Variants in ADAMTS19 observed in about 807,000 individuals in gnomAD.
ADAMTS19 encodes A disintegrin and metalloproteinase with thrombospondin motifs 19.
ADAMTS19 carries 93 observed loss-of-function variants against 153.3 expected under a neutral mutation model. That is an observed-to-expected ratio of 0.61 (90% CI 0.51 to 0.72). ADAMTS19 has a LOEUF of 0.72. Among genes scored for constraint, ADAMTS19 ranks in the 30% least tolerant of loss-of-function variants. The probability of loss-of-function intolerance (pLI) is 0.00; values close to 1 mark genes in which losing one functional copy is unlikely to be tolerated. For missense variants in ADAMTS19, 1,482 were observed against 1,552.1 expected (o/e 0.95, Z 0.76); for synonymous variants, 600 against 556.6 (o/e 1.08, Z -1.10).
chr5:129,724,466 A>T, intron 21 of ADAMTS19, among the ~76,000 whole-genome samples: 1 of 152,188 alleles, frequency 6.6e-6, no homozygotes, highest in South Asian at 2.1e-4. Context: ...TTGTCTCCTC[A>T]GAAGAAAGAA....
At chr5:129,468,374 A>G (rs937699268) in intron 2 of ADAMTS19, among the ~76,000 whole-genome samples, 1 of 152,148 alleles carries the variant, frequency 6.6e-6, no homozygotes, top group Non-Finnish European at 1.5e-5. Flanking sequence ...ATTATTTTTG[A>G]GACGGAGTCT....
intron 19 of ADAMTS19, among the ~76,000 whole-genome samples, chr5:129,700,366 T>C (rs2127158555): frequency 6.6e-6 from 1 of 152,284 alleles, no homozygotes. Flanking sequence ...AGACATTGGC[T>C]AGCCTAAAGA....
intron 6 of ADAMTS19, among the ~76,000 whole-genome samples, chr5:129,535,266 A>G (rs957732553): frequency 2.6e-5 from 4 of 152,198 alleles, no homozygotes; most frequent in African/African-American, 9.6e-5. Flanking sequence ...CTTATACACC[A>G]ATAGCAGACA....
intron 9 of ADAMTS19, 123 bp downstream of exon 9, chr5:129,620,881 T>A: frequency 9.9e-7 from 1 of 1,009,546 alleles, no homozygotes; most frequent in Non-Finnish European, 1.4e-6. Flanking sequence ...GGTACTTGGT[T>A]CCAATCCTGG....
intron 3 of ADAMTS19, among the ~76,000 whole-genome samples, chr5:129,521,202 T>G (rs1270004150): frequency 6.6e-6 from 1 of 152,202 alleles, no homozygotes; most frequent in Admixed American, 6.6e-5. Flanking sequence ...GATTATTTAC[T>G]CTAGGTTTTA....
intron 8 of ADAMTS19, among the ~76,000 whole-genome samples, chr5:129,616,486 C>A (rs1035437438): frequency 1.2e-4 from 18 of 152,132 alleles, no homozygotes; most frequent in African/African-American, 4.3e-4. Context: ...ATTCATAAGG[C>A]TTCTCCTCCC....
At chr5:129,495,481 A>G (rs1750898265) in intron 2 of ADAMTS19, among the ~76,000 whole-genome samples, 1 of 152,098 alleles carries the variant, frequency 6.6e-6, no homozygotes, top group African/African-American at 2.4e-5. Flanking sequence ...AAGCAGAAAA[A>G]GGTGCTTAAG....
chr5:129,622,012 T>G lies in ADAMTS19; in HGVS notation c.1620-186T>G, dbSNP rs552285077. Among the ~76,000 whole-genome samples, 3 of 152,110 alleles carry G rather than the reference T, an allele frequency of 2.0e-5. No homozygotes were observed. The South Asian group carries it at 6.2e-4, about 31-fold the overall frequency. On this transcript the variant is annotated intron_variant, in intron 9 of 22. Transcript: ENST00000274487. ...AAAGTTCTTTTAACTTGAAAATTAT[T>G]TATTACGATTATCTTCATTGTAAAT... is the stretch of plus-strand genomic sequence containing the variant.
In ADAMTS19 at chr5:129,571,299, T is replaced by A. The variant is rs138013381; in HGVS notation, c.1372+19392T>A. On this transcript the variant is annotated intron_variant, in intron 7 of 22. Coordinates refer to ENST00000274487, the MANE Select transcript of ADAMTS19 (RefSeq NM_133638.6). ...CTCAGAAACCAAATTTTTAAATATG[T>A]ACATGTATATGTGTGTGCATATATG... Among the ~76,000 whole-genome samples, 559 of 151,940 alleles carry A rather than the reference T, an allele frequency of 3.7e-3. 7 individuals carry two copies. The highest frequency in any genetic ancestry group is 4.4e-3 in the East Asian group (23 of 5,170).
intron 8 of ADAMTS19, among the ~76,000 whole-genome samples, chr5:129,615,354 AGAGTG>A (rs771260269): frequency 4.6e-5 from 7 of 152,072 alleles, no homozygotes; most frequent in Non-Finnish European, 1.0e-4. Flanking sequence ...AATGAGATAA[AGAGTG>A]GATTTCATCC....
chr5:129,570,180 G>A (rs780840054), intron 7 of ADAMTS19, among the ~76,000 whole-genome samples: 2 of 151,776 alleles, frequency 1.3e-5, no homozygotes, highest in African/African-American at 4.8e-5. Context: ...CAAACCTCTA[G>A]CAAGTATGAC....
chr5:129,569,842 T>C (rs576532282), intron 7 of ADAMTS19, among the ~76,000 whole-genome samples: 3 of 152,090 alleles, frequency 2.0e-5, no homozygotes, highest in Non-Finnish European at 2.9e-5. Flanking sequence ...TGTATAGGGT[T>C]AAATGTTCTT....
chr5:129,648,005 C>T (rs1030010395), intron 12 of ADAMTS19, 110 bp downstream of exon 12: 10 of 1,217,422 alleles, frequency 8.2e-6, no homozygotes, highest in African/African-American at 1.5e-5. Flanking sequence ...ACTCTACTCA[C>T]GTTGGAAAAC....
chr5:129,502,226 C>T (rs1000258635), intron 2 of ADAMTS19, among the ~76,000 whole-genome samples: 4 of 151,796 alleles, frequency 2.6e-5, no homozygotes, highest in East Asian at 3.9e-4. Flanking sequence ...GATCAAATGC[C>T]GCAGAGAGGG....
intron 21 of ADAMTS19, among the ~76,000 whole-genome samples, chr5:129,708,348 T>C (rs901470880): frequency 6.6e-6 from 1 of 152,144 alleles, no homozygotes; most frequent in Non-Finnish European, 1.5e-5. Context: ...TATCTCTCTC[T>C]GCTATAGACA....
rs60233609 is a variant in ADAMTS19 at position 129,510,856 on chromosome 5, G to GATATATATATAT, written c.913+1626_913+1637dup. Among the ~76,000 whole-genome samples, 449 of 141,102 alleles carry GATATATATATAT rather than the reference G, an allele frequency of 3.2e-3. 3 individuals are homozygous for GATATATATATAT. Among genetic ancestry groups the GATATATATATAT allele is most frequent in the African/African-American group, 9.6e-3 (371 of 38,670 alleles). The allele number at this position is 141,102 out of a possible 152,430, so 92.6% of individuals were successfully genotyped here. Reference sequence around the variant, plus strand: ...CAAATGTTGTGCATAAAGTTTCTGAGATATATATATATATATATATATAGT... The same window carrying GATATATATATAT: ...CAAATGTTGTGCATAAAGTTTCTGAGATATATATATATATATATATATATATATATATATAGT... On this transcript the variant is annotated intron_variant, in intron 3 of 22. Transcript: ENST00000274487.
chr5:129,493,334 G>C (rs185105298), intron 2 of ADAMTS19, among the ~76,000 whole-genome samples: 1 of 151,624 alleles, frequency 6.6e-6, no homozygotes, highest in Non-Finnish European at 1.5e-5. Context: ...ATGATTCCAC[G>C]CCCGTTTCTC....
intron 20 of ADAMTS19, among the ~76,000 whole-genome samples, chr5:129,703,499 A>G (rs1334595358): frequency 1.3e-5 from 2 of 152,204 alleles, no homozygotes; most frequent in Admixed American, 1.3e-4. Context: ...TTGGGAGGCC[A>G]AGGTGGGTGG....
At chr5:129,715,155 G>A (rs1756668618) in intron 21 of ADAMTS19, among the ~76,000 whole-genome samples, 3 of 152,116 alleles carry the variant, frequency 2.0e-5, no homozygotes, top group Non-Finnish European at 4.4e-5. Context: ...GAATTACATT[G>A]AGGGAAATGA....
Sources: gnomAD v4.1 joint callset for allele counts (sites outside exome capture counted in the v4.1 genomes callset) on GRCh38, gnomAD v4.1.1 for gene constraint, MANE v1.5 for transcripts, NCBI Gene and HGNC (gene_info 2026-07-23, HGNC 2026-07-21) for gene names.